Variants in HINT1 observed in about 807,000 individuals in gnomAD.
HINT1 encodes adenosine 5'-monophosphoramidase HINT1.
Under a neutral mutation model 11.2 loss-of-function variants are expected in HINT1, and 12 were observed. That is an observed-to-expected ratio of 1.07 (90% CI 0.69 to 1.74). The LOEUF is 1.74. Among genes scored for constraint, HINT1 ranks in the 40% most tolerant of loss-of-function variants. The pLI, the probability that HINT1 is intolerant of heterozygous loss-of-function variation, is 0.00. For synonymous variants in HINT1, 42 were observed against 52.6 expected (o/e 0.80, Z 0.87); for missense variants, 150 against 161.8 (o/e 0.93, Z 0.40).
chr5:131,163,824 G>C (rs974642008), intron 1 of HINT1, among the ~76,000 whole-genome samples: 1 of 152,186 alleles, frequency 6.6e-6, no homozygotes, highest in Non-Finnish European at 1.5e-5. Context: ...TGAAGTGAAA[G>C]CTGTTTTAAT....
rs769988310 is a variant in HINT1, at chr5:131,165,232, AGAG to A, written c.-30_-28del. On this transcript the variant is annotated 5_prime_UTR_variant, in exon 1 of 3. Coordinates refer to ENST00000304043, the MANE Select transcript of HINT1 (RefSeq NM_005340.7). The stretch of plus-strand genomic sequence containing the variant: ...TCGGCCTCTCTCCCGCGCGGCGGCC[AGAG>A]GAGAGGCTCGGAAGAAGGGAGGAAC... 11 of 1,597,778 alleles carry A rather than the reference AGAG, an allele frequency of 6.9e-6. No individual in the cohort carries two copies. Among genetic ancestry groups the A allele is most frequent in the Non-Finnish European group, 7.6e-6 (9 of 1,177,582 alleles).
rs1465824943 is a variant in HINT1 at position 131,165,240 on chromosome 5, G to A, written c.-35C>T. ...TCTCCCGCGCGGCGGCCAGAGGAGA[G>A]GCTCGGAAGAAGGGAGGAACCCGCA... On this transcript the variant is annotated 5_prime_UTR_variant, in exon 1 of 3. Coordinates refer to ENST00000304043, the MANE Select transcript of HINT1 (RefSeq NM_005340.7). The A allele has an allele frequency of 6.3e-7, 1 of 1,594,772 alleles. No individual in the cohort carries two copies. The highest frequency in any genetic ancestry group is 8.5e-7 in the Non-Finnish European group (1 of 1,176,284).
chr5:131,165,137 G>A lies in HINT1; in HGVS notation c.69C>T (p.Ile23=), dbSNP rs1315681711. 4 of 1,613,092 alleles carry A rather than the reference G, an allele frequency of 2.5e-6. No homozygotes were observed. The highest frequency in any genetic ancestry group is 3.4e-6 in the Non-Finnish European group (4 of 1,179,926). ...TGATTTTGGCTGGTATTTCCTTGCG[G>A]ATGATCTTCCCAAAGATCGTGTCGC... ...PGGDTIFGKI[I]RKEIPAKIIF... Residue 23 remains isoleucine (I), a synonymous_variant, in exon 1 of 3, where the codon ATC becomes ATT. Transcript: ENST00000304043.
chr5:131,162,205 T>C (rs1200941370), intron 2 of HINT1: 1 of 531,402 alleles, frequency 1.9e-6, no homozygotes, highest in African/African-American at 1.9e-5. Flanking sequence ...GCGCCTGTTG[T>C]CCCACTACTC....
At chr5:131,165,072 G>C in intron 1 of HINT1, 23 bp downstream of exon 1, 1 of 1,613,424 alleles carries the variant, frequency 6.2e-7, no homozygotes, top group Non-Finnish European at 8.5e-7. Context: ...CAGCAGGCGA[G>C]AGAGGTGGTG....
intron 1 of HINT1, 77 bp from the exon 2 acceptor site, chr5:131,162,753 T>G: frequency 2.2e-6 from 2 of 896,774 alleles, no homozygotes; most frequent in South Asian, 3.1e-5. Context: ...AACAAGTATT[T>G]ACTGAGCAGT....
Position 131,162,676 on chromosome 5 carries a change from AC to A in HINT1, c.112-1del. The A allele has an allele frequency of 1.3e-6, 2 of 1,577,182 alleles. No homozygotes were observed. The highest frequency in any genetic ancestry group is 1.7e-6 in the Non-Finnish European group (2 of 1,151,802). On this transcript the variant is annotated splice_acceptor_variant, in intron 1 of 2. Transcript: ENST00000304043. LOFTEE classifies it high-confidence loss of function. ...GGGGAAATGTCATGGAAAGCAAGGC[AC>A]TAGGGAAAAGAGAAATAAATAAATA...
At chr5:131,161,670 A>G in intron 2 of HINT1, among the ~76,000 whole-genome samples, 1 of 152,142 alleles carries the variant, frequency 6.6e-6, no homozygotes, top group Non-Finnish European at 1.5e-5. Flanking sequence ...TTTTACCATT[A>G]AGTACTCGCT....
At chr5:131,164,601 G>A (rs34933713) in intron 1 of HINT1, among the ~76,000 whole-genome samples, 4 of 152,144 alleles carry the variant, frequency 2.6e-5, no homozygotes, top group African/African-American at 7.2e-5. Context: ...TGGGGCCCTC[G>A]AGCACAATGC....
rs747673273 is a variant in HINT1, at chr5:131,159,486, A to G, written c.342T>C (p.His114=). 3.1e-6 allele frequency: 5 copies of G among 1,613,286 alleles called. No homozygotes were observed. Among genetic ancestry groups the G allele is most frequent in the African/African-American group, 1.3e-5 (1 of 74,906 alleles). Residue 114 remains histidine (H), a synonymous_variant, in exon 3 of 3, where the codon CAT becomes CAC. Transcript: ENST00000304043. ...GGQSVYHVHL[H]VLGGRQMHWP... The stretch of plus-strand genomic sequence containing the variant: ...AATGCATTTGCCGACCTCCAAGAAC[A>G]TGGAGATGAACGTGATAGACAGACT...
intron 2 of HINT1, chr5:131,161,027 CCATCT>C: frequency 3.5e-6 from 1 of 289,406 alleles, no homozygotes; most frequent in Non-Finnish European, 7.0e-6. Context: ...GCATGTAAGC[CCATCT>C]TAAGTTGATG....
chr5:131,162,494 T>A (rs773479685), intron 2 of HINT1, 78 bp downstream of exon 2: 1 of 1,592,822 alleles, frequency 6.3e-7, no homozygotes, highest in Non-Finnish European at 8.5e-7. Flanking sequence ...AAGATGAAAA[T>A]GTGACAGCAC....
intron 1 of HINT1, among the ~76,000 whole-genome samples, chr5:131,163,098 G>C (rs1360645002): frequency 1.3e-5 from 2 of 151,966 alleles, no homozygotes; most frequent in Non-Finnish European, 2.9e-5. Flanking sequence ...CGGCCTCCCA[G>C]AGTGCTGGGA....
intron 2 of HINT1, among the ~76,000 whole-genome samples, chr5:131,159,831 G>C (rs1040947370): frequency 6.6e-6 from 1 of 152,004 alleles, no homozygotes. Context: ...AAACAAATTA[G>C]AAATAAAATC....
At chr5:131,162,766 CTACA>C in intron 1 of HINT1, 90 bp from the exon 2 acceptor site, 1 of 768,968 alleles carries the variant, frequency 1.3e-6, no homozygotes, top group Non-Finnish European at 2.2e-6. Context: ...TGAGCAGTAA[CTACA>C]TGGAGGGCAC....
chr5:131,160,615 C>A, intron 2 of HINT1: 1 of 725,328 alleles, frequency 1.4e-6, no homozygotes, highest in Admixed American at 5.0e-5. Context: ...ATTTCTATTC[C>A]CATTACCTTA....
At chr5:131,162,450 G>C in intron 2 of HINT1, 122 bp downstream of exon 2, 2 of 1,543,494 alleles carry the variant, frequency 1.3e-6, no homozygotes, top group African/African-American at 1.4e-5. Context: ...AGTCCTAATG[G>C]TTTTTCTGGT....
chr5:131,161,027 C>G (rs1755234947), intron 2 of HINT1: 4 of 289,288 alleles, frequency 1.4e-5, no homozygotes, highest in South Asian at 1.1e-4. Flanking sequence ...GCATGTAAGC[C>G]CATCTTAAGT....
In HINT1 at chr5:131,159,386, T is replaced by C; in HGVS notation, c.*61A>G. The C allele has an allele frequency of 6.8e-7, 1 of 1,460,480 alleles. No homozygotes were observed. Among genetic ancestry groups the C allele is most frequent in the Non-Finnish European group, 9.5e-7 (1 of 1,055,124 alleles). 90.5% of individuals were successfully genotyped at this position (1,460,480 alleles called of 1,614,324 possible). ...GCAAAAATAAGTGTGTTACTTAACA[T>C]ACTGGAAATTGCCTAACTTAATCAT... On this transcript the variant is annotated 3_prime_UTR_variant, in exon 3 of 3. Coordinates refer to ENST00000304043, the MANE Select transcript of HINT1 (RefSeq NM_005340.7).
Sources: gnomAD v4.1 joint callset for allele counts (sites outside exome capture counted in the v4.1 genomes callset) on GRCh38, gnomAD v4.1.1 for gene constraint, MANE v1.5 for transcripts, NCBI Gene and HGNC (gene_info 2026-07-23, HGNC 2026-07-21) for gene names.